GIGYF2: variants seen among roughly 807,000 people sequenced by gnomAD.
The protein encoded by GIGYF2 is GRB10 interacting GYF protein 2, also known as GRB10-interacting GYF protein 2.
In GIGYF2, 25 loss-of-function variants were observed where a neutral mutation model predicts 208.1. The ratio of observed to expected loss-of-function variants is 0.12; its 90% confidence interval spans 0.09 to 0.17. The LOEUF (loss-of-function observed/expected upper bound fraction) is 0.17. GIGYF2 is among the 10% of genes least tolerant of loss of function. GIGYF2 has a pLI of 1.00. For missense variants in GIGYF2, 1,302 were observed against 1,579.4 expected, an observed-to-expected ratio of 0.82 and a Z score of 2.98; for synonymous variants, 534 against 543.8, an observed-to-expected ratio of 0.98 and a Z score of 0.25.
In GIGYF2 at chr2:232,756,317, G is replaced by A; in HGVS notation, c.362G>A (p.Ser121Asn). 6.4e-7 allele frequency: 1 copy of A among 1,563,142 alleles called. No individual in the cohort carries two copies. The highest frequency in any genetic ancestry group is 8.6e-7 in the Non-Finnish European group (1 of 1,157,538). Residue 121 changes from serine to asparagine, a missense_variant, in exon 6 of 29, where the codon AGT (serine) becomes AAT (asparagine). Coordinates refer to ENST00000373563, the MANE Select transcript of GIGYF2 (RefSeq NM_001103146.3). ...GTVVGAPRGR[S>N]SSRGRGRGRG... ...GTGGTGGGGGCTCCTAGAGGTCGAA[G>A]TTCTTCAAGAGGGCGAGGTGAGCTT...
At chr2:232,728,400 C>T (rs1697304932) in intron 2 of GIGYF2, among the ~76,000 whole-genome samples, 1 of 152,068 alleles carries the variant, frequency 6.6e-6, no homozygotes, top group Admixed American at 6.6e-5. Flanking sequence ...TTAGAATAAT[C>T]CAGACATGCA....
chr2:232,776,257 T>C (rs1699508285), intron 8 of GIGYF2, among the ~76,000 whole-genome samples: 1 of 152,222 alleles, frequency 6.6e-6, no homozygotes, highest in Non-Finnish European at 1.5e-5. Flanking sequence ...ATACATTCAA[T>C]ATGGCTGTTA....
chr2:232,704,223 C>T (rs1487858050), intron 2 of GIGYF2, among the ~76,000 whole-genome samples: 2 of 152,090 alleles, frequency 1.3e-5, no homozygotes, highest in Non-Finnish European at 2.9e-5. Context: ...TAGGTGGACT[C>T]CCAGAGAAGC....
chr2:232,721,150 G>A (rs1254347756), intron 2 of GIGYF2, among the ~76,000 whole-genome samples: 1 of 152,168 alleles, frequency 6.6e-6, no homozygotes, highest in Non-Finnish European at 1.5e-5. Context: ...AAAGGTTTGA[G>A]TGCCCCTGTC....
intron 28 of GIGYF2, among the ~76,000 whole-genome samples, chr2:232,853,195 G>C (rs1690426886): frequency 6.6e-6 from 1 of 152,026 alleles, no homozygotes; most frequent in African/African-American, 2.4e-5. Flanking sequence ...CTATCCATTA[G>C]CTACACATTC....
intron 2 of GIGYF2, 133 bp from the exon 3 acceptor site, chr2:232,735,022 G>T: frequency 1.6e-6 from 1 of 612,490 alleles, no homozygotes; most frequent in Non-Finnish European, 3.0e-6. Flanking sequence ...TTTTAAGTAG[G>T]AATTTCAAAA....
rs1327197245 is a variant in GIGYF2, at chr2:232,858,894, A to C, written c.*2034A>C. The C allele has an allele frequency of 8.5e-6, 2 of 234,472 alleles. No homozygotes were observed. The highest frequency in any genetic ancestry group is 1.7e-5 in the Non-Finnish European group (2 of 118,316). The allele number at this position is 234,472 out of a possible 1,614,324, so 14.5% of individuals were successfully genotyped here. A position where few individuals can be genotyped will look rare whatever the true frequency, so the allele number is the denominator to read the frequency against. On this transcript the variant is annotated 3_prime_UTR_variant, in exon 29 of 29. Transcript: ENST00000373563. ...ATCAGCTCCTGCCCTCATACCGCAG[A>C]CACACCCACTCTGAACACACCCCTC...
At chr2:232,768,399 T>C in intron 8 of GIGYF2, 3 of 1,614,212 alleles carry the variant, frequency 1.9e-6, no homozygotes, top group Non-Finnish European at 2.5e-6. Flanking sequence ...TAACATGATT[T>C]CAGACGGTAG....
At chr2:232,782,185 A>G (rs1026439209) in intron 8 of GIGYF2, among the ~76,000 whole-genome samples, 9 of 152,170 alleles carry the variant, frequency 5.9e-5, no homozygotes, top group African/African-American at 2.2e-4. Flanking sequence ...ACAAATGGTA[A>G]ATTAGTACTA....
chr2:232,724,219 T>G (rs1326897620), intron 2 of GIGYF2, among the ~76,000 whole-genome samples: 1 of 149,080 alleles, frequency 6.7e-6, no homozygotes, highest in Non-Finnish European at 1.5e-5. Context: ...TTTTTTTTTT[T>G]TTTTTTTTTT....
At chr2:232,791,867 A>C (rs1700078136) in intron 12 of GIGYF2, among the ~76,000 whole-genome samples, 1 of 152,204 alleles carries the variant, frequency 6.6e-6, no homozygotes, top group Non-Finnish European at 1.5e-5. Flanking sequence ...TAGAGAACAT[A>C]TGTGAATCTG....
chr2:232,759,506 G>T (rs1367348264), intron 6 of GIGYF2, among the ~76,000 whole-genome samples: 1 of 152,016 alleles, frequency 6.6e-6, no homozygotes, highest in East Asian at 1.9e-4. Flanking sequence ...GACCCTAACG[G>T]TGCAGCTATA....
chr2:232,768,066 G>A (rs762178511), intron 8 of GIGYF2: 85 of 894,674 alleles, frequency 9.5e-5, no homozygotes, highest in Non-Finnish European at 1.4e-4. Flanking sequence ...TGTAGGCATA[G>A]GCATGATTAC....
At chr2:232,813,166 GCA>G (rs1700786642) in intron 18 of GIGYF2, among the ~76,000 whole-genome samples, 2 of 150,980 alleles carry the variant, frequency 1.3e-5, no homozygotes. Flanking sequence ...TATGGGTGAA[GCA>G]CCGCTGTTTC....
intron 7 of GIGYF2, chr2:232,760,800 A>C: frequency 1.9e-6 from 1 of 517,870 alleles, no homozygotes; most frequent in Non-Finnish European, 3.5e-6. Flanking sequence ...TTAATATATG[A>C]GTGCCAGCAT....
chr2:232,814,710 T>G (rs184445233), intron 18 of GIGYF2, among the ~76,000 whole-genome samples: 13 of 152,276 alleles, frequency 8.5e-5, no homozygotes, highest in African/African-American at 3.1e-4. Flanking sequence ...ATCCAAAATT[T>G]GAAATGCTTC....
chr2:232,703,442 A>G lies in GIGYF2; in HGVS notation c.-91A>G, dbSNP rs1695945696. 1.3e-5 allele frequency: 2 copies of G among 152,658 alleles called. No individual in the cohort carries two copies. The highest frequency in any genetic ancestry group is 4.1e-4 in the South Asian group (2 of 4,834). 9.5% of individuals were successfully genotyped at this position (152,658 alleles called of 1,614,324 possible). A position where few individuals can be genotyped will look rare whatever the true frequency, so the allele number is the denominator to read the frequency against. ...TTTACAGCGTTAAAAGGATCTGAAC[A>G]AAGTCTGCTCAAATCTCCTGCTGTG... On this transcript the variant is annotated 5_prime_UTR_variant, in exon 2 of 29. Transcript: ENST00000373563.
chr2:232,837,220 G>C (rs1436877249), intron 22 of GIGYF2, among the ~76,000 whole-genome samples: 1 of 152,282 alleles, frequency 6.6e-6, no homozygotes, highest in Admixed American at 6.5e-5. Context: ...GAGACACACC[G>C]ATGTGCTTTT....
chr2:232,735,966 A>G (rs1697717370), intron 3 of GIGYF2: 2 of 983,784 alleles, frequency 2.0e-6, no homozygotes, highest in Admixed American at 1.2e-4. Flanking sequence ...AGTATCTAAA[A>G]TAGATAAATT....
Sources: allele counts gnomAD v4.1 joint callset (sites outside exome capture counted in the v4.1 genomes callset), GRCh38; gene constraint gnomAD v4.1.1; transcripts MANE v1.5; gene names NCBI Gene and HGNC (gene_info 2026-07-23, HGNC 2026-07-21).